RIMS4: variants seen among roughly 807,000 people sequenced by gnomAD.
RIMS4 encodes the protein regulating synaptic membrane exocytosis 4.
In RIMS4, 9 loss-of-function variants were observed where a neutral mutation model predicts 29.0. That is an observed-to-expected ratio of 0.31 (90% CI 0.19 to 0.54). The LOEUF is 0.54. RIMS4 is among the 20% of genes least tolerant of loss of function. RIMS4 has a pLI of 0.94. For synonymous variants in RIMS4, 130 were observed against 152.9 expected, an observed-to-expected ratio of 0.85 and a Z score of 1.10; for missense variants, 193 against 365.7, an observed-to-expected ratio of 0.53 and a Z score of 3.85.
chr20:44,808,072 A>G (rs540377144), intron 1 of RIMS4, among the ~76,000 whole-genome samples: 2 of 147,226 alleles, frequency 1.4e-5, no homozygotes, highest in South Asian at 2.1e-4. Flanking sequence ...TGGCATATAT[A>G]TGTGTGTGTG....
chr20:44,755,852 C>T lies in RIMS4; in HGVS notation c.*282G>A. 1 of 416,896 alleles carries T rather than the reference C, an allele frequency of 2.4e-6. No individual in the cohort carries two copies. Among genetic ancestry groups the T allele is most frequent in the Non-Finnish European group, 4.4e-6 (1 of 227,734 alleles). The allele number at this position is 416,896 out of a possible 1,614,324, so 25.8% of individuals were successfully genotyped here. On this transcript the variant is annotated 3_prime_UTR_variant, in exon 6 of 6. Transcript: ENST00000372851. ...TGGGAAGGGAGAGTGGTCTGCTCTGCCACCTCAATCTTTCCTTTCTCTGGA... is the reference window on the plus strand; with the variant it reads ...TGGGAAGGGAGAGTGGTCTGCTCTGTCACCTCAATCTTTCCTTTCTCTGGA...
intron 1 of RIMS4, among the ~76,000 whole-genome samples, chr20:44,775,791 C>G (rs1001378182): frequency 6.6e-6 from 1 of 152,244 alleles, no homozygotes; most frequent in Admixed American, 6.5e-5. Flanking sequence ...GTTCAAAAAT[C>G]TTCACACAGG....
chr20:44,790,442 C>T (rs1431940727), intron 1 of RIMS4, among the ~76,000 whole-genome samples: 1 of 152,206 alleles, frequency 6.6e-6, no homozygotes, highest in African/African-American at 2.4e-5. Context: ...CATTTTTCAA[C>T]TCCAGCATCC....
At chr20:44,808,095 T>TAC (rs1233517719) in intron 1 of RIMS4, among the ~76,000 whole-genome samples, 10 of 147,368 alleles carry the variant, frequency 6.8e-5, no homozygotes, top group African/African-American at 1.8e-4. Context: ...TATATATATA[T>TAC]ATACACACAC....
chr20:44,804,997 T>C (rs2066292475), intron 1 of RIMS4, among the ~76,000 whole-genome samples: 1 of 152,080 alleles, frequency 6.6e-6, no homozygotes, highest in Admixed American at 6.6e-5. Context: ...CAGGATAATT[T>C]GATTAAAATA....
At chr20:44,790,238 T>C (rs1291499301) in intron 1 of RIMS4, among the ~76,000 whole-genome samples, 4 of 152,212 alleles carry the variant, frequency 2.6e-5, no homozygotes, top group African/African-American at 9.6e-5. Flanking sequence ...TGAGTGTCCT[T>C]CTTACCCAAG....
chr20:44,803,337 T>A (rs1427090586), intron 1 of RIMS4, among the ~76,000 whole-genome samples: 1 of 152,196 alleles, frequency 6.6e-6, no homozygotes, highest in East Asian at 1.9e-4. Flanking sequence ...CTTCGCCTCT[T>A]TGAGCCTGTT....
intron 2 of RIMS4, among the ~76,000 whole-genome samples, chr20:44,770,599 C>G (rs1038797487): frequency 6.6e-6 from 1 of 152,068 alleles, no homozygotes; most frequent in Non-Finnish European, 1.5e-5. Flanking sequence ...GGCCACACTC[C>G]CAGAGACTAA....
chr20:44,792,200 G>C (rs2066235673), intron 1 of RIMS4, among the ~76,000 whole-genome samples: 1 of 152,162 alleles, frequency 6.6e-6, no homozygotes, highest in South Asian at 2.1e-4. Context: ...ACTGCATAAA[G>C]AATGCTGTAA....
At chr20:44,766,473 G>A (rs2066114201) in intron 2 of RIMS4, among the ~76,000 whole-genome samples, 1 of 152,150 alleles carries the variant, frequency 6.6e-6, no homozygotes. Flanking sequence ...GACTGGGAGA[G>A]GCTGGGAAAA....
chr20:44,766,775 C>T (rs546315738), intron 2 of RIMS4, among the ~76,000 whole-genome samples: 1 of 152,196 alleles, frequency 6.6e-6, no homozygotes, highest in South Asian at 2.1e-4. Context: ...GCTGGGCCAT[C>T]CCCCCACCCC....
intron 2 of RIMS4, among the ~76,000 whole-genome samples, chr20:44,763,206 A>G (rs1026339605): frequency 1.3e-5 from 2 of 152,218 alleles, no homozygotes; most frequent in Non-Finnish European, 2.9e-5. Context: ...CATAACGCAG[A>G]CCCTGGATGC....
At chr20:44,801,450 T>C (rs2066276850) in intron 1 of RIMS4, among the ~76,000 whole-genome samples, 2 of 152,206 alleles carry the variant, frequency 1.3e-5, no homozygotes, top group Admixed American at 1.3e-4. Flanking sequence ...TCCCAGCACT[T>C]TGCCCCCTTT....
At chr20:44,758,880 C>T (rs907292497) in intron 2 of RIMS4, among the ~76,000 whole-genome samples, 1 of 152,120 alleles carries the variant, frequency 6.6e-6, no homozygotes, top group East Asian at 1.9e-4. Flanking sequence ...ATCTGGATCC[C>T]GAGAATGAAA....
At chr20:44,760,486 G>A (rs1004984478) in intron 2 of RIMS4, among the ~76,000 whole-genome samples, 1 of 152,198 alleles carries the variant, frequency 6.6e-6, no homozygotes, top group African/African-American at 2.4e-5. Context: ...GCAAAGAGAA[G>A]TAGCTGAGAC....
intron 2 of RIMS4, among the ~76,000 whole-genome samples, chr20:44,764,166 CCATCCATCCATCCATCCATCCA>C (rs2066101192): frequency 8.1e-6 from 1 of 123,140 alleles, no homozygotes; most frequent in Non-Finnish European, 1.7e-5. Flanking sequence ...ATCCATCCAT[CCATCCATCCATCCATCCATCCA>C]TTTATCCATC....
chr20:44,782,775 A>C (rs1210111143), intron 1 of RIMS4, among the ~76,000 whole-genome samples: 1 of 152,220 alleles, frequency 6.6e-6, no homozygotes, highest in Non-Finnish European at 1.5e-5. Flanking sequence ...AAGGGAAAGA[A>C]ATATGGCCTC....
intron 1 of RIMS4, among the ~76,000 whole-genome samples, chr20:44,787,322 C>A (rs2066213178): frequency 6.6e-6 from 1 of 152,070 alleles, no homozygotes; most frequent in South Asian, 2.1e-4. Flanking sequence ...ATGATAATGA[C>A]AATGACGATG....
intron 1 of RIMS4, among the ~76,000 whole-genome samples, chr20:44,808,657 C>G (rs191755009): frequency 6.6e-6 from 1 of 152,196 alleles, no homozygotes; most frequent in South Asian, 2.1e-4. Context: ...CAGTAATCAT[C>G]TTTACCCTTA....
Sources: allele counts gnomAD v4.1 joint callset (sites outside exome capture counted in the v4.1 genomes callset), GRCh38; gene constraint gnomAD v4.1.1; transcripts MANE v1.5; gene names NCBI Gene and HGNC (gene_info 2026-07-23, HGNC 2026-07-21).